CDH22: variants seen among roughly 807,000 people sequenced by gnomAD.
CDH22 encodes the protein cadherin-22.
In CDH22, 30 loss-of-function variants were observed where a neutral mutation model predicts 58.4. The observed-to-expected ratio is 0.51, with a 90% CI of 0.38 to 0.70. The LOEUF (loss-of-function observed/expected upper bound fraction) is 0.70. CDH22 is among the 30% of genes least tolerant of loss of function. The pLI, the probability that CDH22 is intolerant of heterozygous loss-of-function variation, is 0.00. For missense variants in CDH22, 1,014 were observed against 1,233.9 expected, an observed-to-expected ratio of 0.82 and a Z score of 2.67; for synonymous variants, 513 against 558.2, an observed-to-expected ratio of 0.92 and a Z score of 1.14.
rs2145695575 is a variant in CDH22 at position 46,216,354 on chromosome 20, C to T, written c.838+472G>A. 6.6e-6 allele frequency among the ~76,000 whole-genome samples: 1 copy of T among 152,346 alleles called. No individual in the cohort carries two copies. The highest frequency in any genetic ancestry group is 2.1e-4 in the South Asian group (1 of 4,832). Reference sequence around the variant, plus strand: ...TGCCTGTCACTCAGACTTAGTTTTTCTCTGCACAACCTCTATCTGTCTGGG... The same window carrying T: ...TGCCTGTCACTCAGACTTAGTTTTTTTCTGCACAACCTCTATCTGTCTGGG... On this transcript the variant is annotated intron_variant, in intron 5 of 11. Coordinates refer to ENST00000537909, the MANE Select transcript of CDH22 (RefSeq NM_021248.3). This position sits in a 1 kb window ranked among gnomAD's most constrained non-coding sequence, Gnocchi z 5.3.
chr20:46,259,136 T>C (rs2086420006), intron 1 of CDH22, among the ~76,000 whole-genome samples: 1 of 152,122 alleles, frequency 6.6e-6, no homozygotes, highest in Admixed American at 6.5e-5. Context: ...TACAGAACAT[T>C]CCCTAATGAG....
intron 1 of CDH22, among the ~76,000 whole-genome samples, chr20:46,299,502 C>T (rs2086641883): frequency 6.6e-6 from 1 of 152,324 alleles, no homozygotes; most frequent in East Asian, 1.9e-4. Flanking sequence ...ACAGCCTGCT[C>T]ATGTAGTCAC....
At chr20:46,223,989 G>T (rs1222581982) in intron 4 of CDH22, among the ~76,000 whole-genome samples, 1 of 151,980 alleles carries the variant, frequency 6.6e-6, no homozygotes, top group Admixed American at 6.6e-5. Context: ...GAGTAGCTGG[G>T]ATTACAGGCA....
At chr20:46,190,784 C>G (rs2085857511) in intron 8 of CDH22, among the ~76,000 whole-genome samples, 1 of 152,184 alleles carries the variant, frequency 6.6e-6, no homozygotes, top group Non-Finnish European at 1.5e-5. Context: ...CTTGAACTGC[C>G]TCACCATTAA....
intron 1 of CDH22, among the ~76,000 whole-genome samples, chr20:46,273,248 TC>T (rs1387984955): frequency 6.6e-6 from 1 of 152,244 alleles, no homozygotes; most frequent in Non-Finnish European, 1.5e-5. Flanking sequence ...AAAAGTAGTT[TC>T]TATGCTCTCT....
Position 46,244,933 on chromosome 20 carries a change from A to C in CDH22, c.256-3676T>G, listed in dbSNP as rs554668066. On this transcript the variant is annotated intron_variant, in intron 2 of 11. Coordinates refer to ENST00000537909, the MANE Select transcript of CDH22 (RefSeq NM_021248.3). ...GCTTTGGAGTCAGAAGCAGCTCTGT[A>C]CCAGCTTCAGCTTTGCCAGCAACCT... 2.0e-5 allele frequency among the ~76,000 whole-genome samples: 3 copies of C among 152,210 alleles called. 1 individual carries two copies. In the South Asian group the frequency reaches 6.2e-4, roughly 32 times the overall value.
Position 46,216,842 on chromosome 20 carries a change from C to T in CDH22, c.822G>A (p.Pro274=), listed in dbSNP as rs199586827. The change falls in exon 5 of 12, where the codon CCG becomes CCA. Residue 274 remains proline, a synonymous_variant. Coordinates refer to ENST00000537909, the MANE Select transcript of CDH22 (RefSeq NM_021248.3). The surrounding 1 kb of genome is among the most constrained non-coding windows in gnomAD (Gnocchi z 5.3). ...CTCACTCACTCTGCGGGAAACGGGGCGGGTTGTCATTGACGTCGGTGACTA... is the reference window on the plus strand; with the variant it reads ...CTCACTCACTCTGCGGGAAACGGGGTGGGTTGTCATTGACGTCGGTGACTA... ...TIVVTDVNDN[P]PRFPQKMYQF... is the part of the protein sequence containing the mutation. The T allele has an allele frequency of 6.9e-6, 11 of 1,599,494 alleles. No homozygotes were observed. The South Asian group carries it at 7.7e-5, about 11-fold the overall frequency.
chr20:46,178,061 A>G lies in CDH22; in HGVS notation c.1800T>C (p.Cys600=). 6.2e-7 allele frequency: 1 copy of G among 1,614,090 alleles called. No homozygotes were observed. The highest frequency in any genetic ancestry group is 8.5e-7 in the Non-Finnish European group (1 of 1,180,012). The stretch of plus-strand genomic sequence containing the variant: ...GGATGGTGCCGGAGCTGTCGCAGCC[A>G]CAGATGCGGATGGTGAGCGTGCCTG... The part of the protein sequence containing the change: ...SSTGTLTIRI[C]GCDSSGTIQS... Residue 600 remains cysteine (C), a synonymous_variant, in exon 11 of 12, where the codon TGT becomes TGC. Transcript: ENST00000537909.
chr20:46,240,843 T>C (rs2086284228), intron 3 of CDH22, 120 bp downstream of exon 3: 4 of 914,506 alleles, frequency 4.4e-6, no homozygotes, highest in Non-Finnish European at 6.5e-6. Context: ...CCCTGTACCC[T>C]AGGTCAGCAG....
chr20:46,253,015 G>A (rs1182097258), intron 1 of CDH22, among the ~76,000 whole-genome samples: 1 of 152,226 alleles, frequency 6.6e-6, no homozygotes, highest in African/African-American at 2.4e-5. Flanking sequence ...TGGCCAGTTT[G>A]GGGAGTTAGA....
intron 1 of CDH22, among the ~76,000 whole-genome samples, chr20:46,270,640 A>C (rs1454381491): frequency 6.6e-6 from 1 of 152,190 alleles, no homozygotes; most frequent in Non-Finnish European, 1.5e-5. Context: ...GTTGAAGGAA[A>C]TGGAGTTCCC....
intron 1 of CDH22, among the ~76,000 whole-genome samples, chr20:46,253,641 T>C (rs1350052151): frequency 6.6e-6 from 1 of 152,160 alleles, no homozygotes; most frequent in Non-Finnish European, 1.5e-5. Context: ...CATTATGACC[T>C]GGGCTGGTCG....
chr20:46,249,735 C>T (rs116975640), intron 2 of CDH22, among the ~76,000 whole-genome samples: 23 of 152,246 alleles, frequency 1.5e-4, no homozygotes, highest in Non-Finnish European at 2.6e-4. Context: ...GATACTGTCC[C>T]GGGGCACCAC....
Position 46,241,037 on chromosome 20 carries a change from T to C in CDH22, c.476A>G (p.Gln159Arg). The C allele has an allele frequency of 6.2e-7, 1 of 1,614,148 alleles. No individual in the cohort carries two copies. The highest frequency in any genetic ancestry group is 1.1e-5 in the South Asian group (1 of 91,086). The change falls in exon 3 of 12, where the codon CAG (glutamine) becomes CGG (arginine). Residue 159 changes from glutamine (Q) to arginine (R), a missense_variant. This residue lies in a region of CDH22 where 806 missense variants were observed against 1,038.7 expected (regional missense o/e 0.78). Coordinates refer to ENST00000537909, the MANE Select transcript of CDH22 (RefSeq NM_021248.3). This position sits in a 1 kb window ranked among gnomAD's most constrained non-coding sequence, Gnocchi z 5.2. ...GCGGGGCTCACTGTCATTGATGTCC[T>C]GCACCTTGATGATGAACTCCGACTC... Reference protein sequence around the residue: ...EPESEFIIKVQDINDSEPRFL... With the variant: ...EPESEFIIKVRDINDSEPRFL...
Position 46,258,793 on chromosome 20 carries a change from A to G in CDH22, c.-399-7100T>C, listed in dbSNP as rs4810491. Among the ~76,000 whole-genome samples, 878 of 152,336 alleles carry G rather than the reference A, an allele frequency of 5.8e-3. 36 individuals are homozygous for G. The highest frequency in any genetic ancestry group is 0.049 in the Admixed American group (752 of 15,308). On this transcript the variant is annotated intron_variant, in intron 1 of 11. Coordinates refer to ENST00000537909, the MANE Select transcript of CDH22 (RefSeq NM_021248.3). ...GAGGCTCTGTCACTCTGTGGGACACACACAGGAGGCAGGCACGATGTGAGA... is the reference window on the plus strand; with the variant it reads ...GAGGCTCTGTCACTCTGTGGGACACGCACAGGAGGCAGGCACGATGTGAGA...
intron 1 of CDH22, among the ~76,000 whole-genome samples, chr20:46,279,341 C>T (rs999371060): frequency 3.3e-5 from 5 of 152,128 alleles, no homozygotes; most frequent in African/African-American, 1.2e-4. Context: ...CAGATGGTCA[C>T]ATGGCATGGC....
At chr20:46,269,371 T>C (rs2425827) in intron 1 of CDH22, among the ~76,000 whole-genome samples, 60,671 of 151,756 alleles carry the variant, frequency 0.4, 12,573 homozygotes, top group Middle Eastern at 0.6. Context: ...ACAGGGTGAA[T>C]TGACAGTGTG....
chr20:46,193,505 G>A (rs1285083861), intron 8 of CDH22, among the ~76,000 whole-genome samples: 1 of 152,128 alleles, frequency 6.6e-6, no homozygotes, highest in South Asian at 2.1e-4. Flanking sequence ...GAACCCGAGG[G>A]AACACTGGGG....
chr20:46,226,552 G>A (rs1170350371), intron 4 of CDH22, among the ~76,000 whole-genome samples: 1 of 151,880 alleles, frequency 6.6e-6, no homozygotes, highest in African/African-American at 2.4e-5. Flanking sequence ...CAAAGTCCTG[G>A]GATCACAGGG....
Sources: gnomAD v4.1 joint callset for allele counts (sites outside exome capture counted in the v4.1 genomes callset) on GRCh38, gnomAD v4.1.1 for gene constraint, gnomAD v4.1.1 regional missense constraint, Gnocchi (gnomAD v3.1) non-coding constraint, MANE v1.5 for transcripts, NCBI Gene and HGNC (gene_info 2026-07-23, HGNC 2026-07-21) for gene names.